SGCD: variants seen among roughly 807,000 people sequenced by gnomAD.
SGCD encodes the protein delta-sarcoglycan.
SGCD carries 18 observed loss-of-function variants against 36.6 expected under a neutral mutation model. That is an observed-to-expected ratio of 0.49 (90% confidence interval 0.34 to 0.73). The LOEUF (loss-of-function observed/expected upper bound fraction) is 0.73. Among genes scored for constraint, SGCD ranks in the 30% least tolerant of loss-of-function variants. The probability of loss-of-function intolerance (pLI) is 0.01; values close to 1 mark genes in which losing one functional copy is unlikely to be tolerated. For synonymous variants in SGCD, 133 were observed against 130.6 expected (o/e 1.02, Z -0.12); for missense variants, 387 against 346.7 (o/e 1.12, Z -0.92).
chr5:156,166,287 C>T (rs1357725843), intron 3 of SGCD, among the ~76,000 whole-genome samples: 3 of 151,788 alleles, frequency 2.0e-5, no homozygotes, highest in African/African-American at 7.2e-5. Context: ...CTACAACTTC[C>T]AAGACGTATT....
intron 1 of SGCD, among the ~76,000 whole-genome samples, chr5:156,084,291 A>G (rs1004823946): frequency 3.9e-5 from 6 of 152,216 alleles, no homozygotes; most frequent in African/African-American, 1.2e-4. Context: ...TATAATTTTT[A>G]GTATATAAGT....
intron 1 of SGCD, among the ~76,000 whole-genome samples, chr5:155,921,539 G>A (rs975479150): frequency 6.6e-6 from 1 of 151,308 alleles, no homozygotes; most frequent in Non-Finnish European, 1.5e-5. Flanking sequence ...GGAAAGAAAG[G>A]GGACACAATC....
chr5:156,567,382 ATAGATAG>A (rs1561783506), intron 4 of SGCD, among the ~76,000 whole-genome samples: 58 of 37,074 alleles, frequency 1.6e-3, no homozygotes, highest in African/African-American at 4.1e-3. Context: ...AGATAAATAG[ATAGATAG>A]ATAGATAGAT....
At chr5:156,304,627 GA>G (rs1357006116) in intron 3 of SGCD, among the ~76,000 whole-genome samples, 15 of 152,182 alleles carry the variant, frequency 9.9e-5, no homozygotes, top group Admixed American at 4.6e-4. Context: ...GGGCACTGCT[GA>G]AAAGATACCC....
chr5:156,151,004 A>C (rs546923418), intron 3 of SGCD, among the ~76,000 whole-genome samples: 5 of 151,874 alleles, frequency 3.3e-5, no homozygotes, highest in African/African-American at 9.7e-5. Flanking sequence ...TAAAAAAGGT[A>C]AAAAATTAAA....
intron 1 of SGCD, among the ~76,000 whole-genome samples, chr5:155,882,998 G>A (rs1234076900): frequency 6.6e-6 from 1 of 152,164 alleles, no homozygotes; most frequent in Admixed American, 6.5e-5. Flanking sequence ...TAGATCCTTT[G>A]AATATCTTGC....
Position 155,871,148 on chromosome 5 carries a change from AG to A in SGCD, c.-282+725del, listed in dbSNP as rs1755647072. Among the ~76,000 whole-genome samples, 3 of 152,242 alleles carry A rather than the reference AG, an allele frequency of 2.0e-5. 1 individual carries two copies. In the South Asian group the frequency reaches 6.2e-4, roughly 32 times the overall value. On this transcript the variant is annotated intron_variant, in intron 1 of 9. Coordinates refer to the SGCD transcript ENST00000517913. Reference sequence around the variant, plus strand: ...ATTTGTTGTGAAAATCTCACTATATAGTATTAGAGGCTGTTCATGCTAATCA... The same window carrying A: ...ATTTGTTGTGAAAATCTCACTATATATATTAGAGGCTGTTCATGCTAATCA...
intron 1 of SGCD, among the ~76,000 whole-genome samples, chr5:156,115,416 G>A (rs1381171146): frequency 1.3e-5 from 2 of 151,852 alleles, no homozygotes; most frequent in Non-Finnish European, 1.5e-5. Flanking sequence ...AAACCTCAAA[G>A]GTTTCTAGTT....
At position 156,295,179 on chromosome 5, in the gene SGCD, A is replaced by G. The variant is rs540962660; in HGVS notation, c.-43-34355A>G. On this transcript the variant is annotated intron_variant, in intron 3 of 9. Transcript: ENST00000517913. ...AGTTATATGTCTATTCAGATTTTCT[A>G]TTTCTGCCTGGCTTAATCTTGGTAG... 3.9e-5 allele frequency among the ~76,000 whole-genome samples: 6 copies of G among 152,112 alleles called. 1 individual carries two copies. Among genetic ancestry groups the G allele is most frequent in the African/African-American group, 1.4e-4 (6 of 41,502 alleles).
At chr5:156,349,304 C>T (rs1429810741) in intron 3 of SGCD, among the ~76,000 whole-genome samples, 1 of 151,702 alleles carries the variant, frequency 6.6e-6, no homozygotes, top group Non-Finnish European at 1.5e-5. Context: ...AAATAGTAAT[C>T]AGAATTAACA....
At chr5:155,891,443 G>C (rs1298480861) in intron 1 of SGCD, among the ~76,000 whole-genome samples, 4 of 151,402 alleles carry the variant, frequency 2.6e-5, no homozygotes, top group African/African-American at 9.7e-5. Context: ...GGTCCCCAAT[G>C]TCTGCAGTAA....
At chr5:156,034,435 T>C (rs1759437846) in intron 1 of SGCD, among the ~76,000 whole-genome samples, 1 of 152,246 alleles carries the variant, frequency 6.6e-6, no homozygotes, top group Non-Finnish European at 1.5e-5. Flanking sequence ...CAATGAAGCT[T>C]CAAAGCTTTC....
At chr5:156,106,377 G>T (rs572809922) in intron 1 of SGCD, among the ~76,000 whole-genome samples, 1 of 152,284 alleles carries the variant, frequency 6.6e-6, no homozygotes, top group South Asian at 2.1e-4. Context: ...CTTTGCTGTG[G>T]CATTCATGTG....
At chr5:156,025,749 C>T (rs1376907881) in intron 1 of SGCD, among the ~76,000 whole-genome samples, 3 of 150,174 alleles carry the variant, frequency 2.0e-5, no homozygotes, top group African/African-American at 7.3e-5. Flanking sequence ...TGCTGTTTGC[C>T]ACTCTGATTC....
At chr5:156,136,420 T>G (rs1251822992) in intron 3 of SGCD, among the ~76,000 whole-genome samples, 4 of 152,206 alleles carry the variant, frequency 2.6e-5, no homozygotes, top group African/African-American at 7.2e-5. Flanking sequence ...CTCAATCACT[T>G]TTTAGAATAA....
intron 3 of SGCD, among the ~76,000 whole-genome samples, chr5:156,499,866 C>T (rs910921045): frequency 1.3e-5 from 2 of 152,148 alleles, no homozygotes; most frequent in Admixed American, 6.5e-5. Context: ...TAGAAGTGAC[C>T]ATTTATAAAG....
chr5:156,046,984 T>G (rs554059067), intron 1 of SGCD, among the ~76,000 whole-genome samples: 20 of 152,188 alleles, frequency 1.3e-4, no homozygotes, highest in African/African-American at 4.8e-4. Context: ...ACATGAATGA[T>G]TAAAACAAAA....
chr5:156,366,936 A>G (rs1213616781), intron 3 of SGCD, among the ~76,000 whole-genome samples: 1 of 152,180 alleles, frequency 6.6e-6, no homozygotes, highest in Non-Finnish European at 1.5e-5. Flanking sequence ...AGTCAGATAA[A>G]TGGTTTATCT....
At chr5:156,240,837 A>G (rs1765288403) in intron 3 of SGCD, among the ~76,000 whole-genome samples, 1 of 152,236 alleles carries the variant, frequency 6.6e-6, no homozygotes, top group Non-Finnish European at 1.5e-5. Context: ...ACAAAACCAA[A>G]AGCCGACAGA....
Sources: gnomAD v4.1 joint callset for allele counts (sites outside exome capture counted in the v4.1 genomes callset) on GRCh38, gnomAD v4.1.1 for gene constraint, MANE v1.5 for transcripts, NCBI Gene and HGNC (gene_info 2026-07-23, HGNC 2026-07-21) for gene names.